The following HS3ST4 variants were observed in gnomAD, a reference collection of about 807,000 sequenced individuals.
HS3ST4 encodes the protein heparan sulfate glucosamine 3-O-sulfotransferase 4.
Under a neutral mutation model 29.2 loss-of-function variants are expected in HS3ST4, and 17 were observed. That is an observed-to-expected ratio of 0.58 (90% CI 0.40 to 0.87). The LOEUF (loss-of-function observed/expected upper bound fraction) is 0.87, where lower values mean the gene tolerates loss of function less well. Ranked by LOEUF, HS3ST4 falls within the 40% of genes least tolerant of loss-of-function variation. The probability of loss-of-function intolerance (pLI) is 0.00; values close to 1 mark genes in which losing one functional copy is unlikely to be tolerated. For synonymous variants in HS3ST4, 314 were observed against 285.7 expected (o/e 1.10, Z -1.00); for missense variants, 627 against 634.5 (o/e 0.99, Z 0.13).
intron 1 of HS3ST4, among the ~76,000 whole-genome samples, chr16:25,912,636 C>A (rs561541210): frequency 6.6e-6 from 1 of 152,330 alleles, no homozygotes; most frequent in South Asian, 2.1e-4. Context: ...CTGCCAATTT[C>A]TGTGCTTCCT....
rs996874734 is a variant in HS3ST4, at chr16:25,760,101, G to GCCCTAACCCTAA, written c.734+66970_734+66981dup. Among the ~76,000 whole-genome samples, 362 of 152,070 alleles carry GCCCTAACCCTAA rather than the reference G, an allele frequency of 2.4e-3. 2 individuals are homozygous for GCCCTAACCCTAA. The highest frequency in any genetic ancestry group is 8.4e-3 in the African/African-American group (347 of 41,470). ...TTGTGCGTCTATGAGGGCTGCCATA[G>GCCCTAACCCTAA]CCCTAACCCTAACCCTAACCCTAAC... is the stretch of plus-strand genomic sequence containing the variant. On this transcript the variant is annotated intron_variant, in intron 1 of 1. Coordinates refer to ENST00000331351, the MANE Select transcript of HS3ST4 (RefSeq NM_006040.3).
At chr16:25,979,723 A>G (rs887122033) in intron 1 of HS3ST4, among the ~76,000 whole-genome samples, 1 of 152,162 alleles carries the variant, frequency 6.6e-6, no homozygotes, top group African/African-American at 2.4e-5. Context: ...TCCCGAAACC[A>G]TTCCTCAACA....
In HS3ST4 at chr16:26,012,606, A is replaced by G. The variant is rs549718288; in HGVS notation, c.735-123006A>G. On this transcript the variant is annotated intron_variant, in intron 1 of 1. Coordinates refer to ENST00000331351, the MANE Select transcript of HS3ST4 (RefSeq NM_006040.3). ...TCTTGGGAAGATGAGCTGAAGACAC[A>G]TGAGACAGTTAAATGGTGTTTCAAG... Among the ~76,000 whole-genome samples, 84 of 152,320 alleles carry G rather than the reference A, an allele frequency of 5.5e-4. 1 individual carries two copies. The highest frequency in any genetic ancestry group is 2.0e-3 in the African/African-American group (84 of 41,582).
chr16:25,747,409 TCCAGCC>T, intron 1 of HS3ST4, among the ~76,000 whole-genome samples: 1 of 152,330 alleles, frequency 6.6e-6, no homozygotes, highest in East Asian at 1.9e-4. Context: ...AACCAAATGG[TCCAGCC>T]CTTTGGTTTG....
chr16:26,012,487 C>A (rs1969319771), intron 1 of HS3ST4, among the ~76,000 whole-genome samples: 1 of 152,170 alleles, frequency 6.6e-6, no homozygotes, highest in Non-Finnish European at 1.5e-5. Flanking sequence ...GCTTTTGTTT[C>A]TCAGAAGCCA....
intron 1 of HS3ST4, among the ~76,000 whole-genome samples, chr16:25,758,060 GA>G (rs1966768027): frequency 6.6e-6 from 1 of 152,098 alleles, no homozygotes; most frequent in Non-Finnish European, 1.5e-5. Flanking sequence ...GTCTGTCATA[GA>G]AAGATTCCTC....
chr16:25,756,173 CACA>C lies in HS3ST4; in HGVS notation c.734+63023_734+63025del, dbSNP rs1383106010. ...ACACACGCACACACACACACACACA[CACA>C]CCCTGCCTTATTCCTTTCTGTTACA... On this transcript the variant is annotated intron_variant, in intron 1 of 1. Transcript: ENST00000331351. Among the ~76,000 whole-genome samples, 12 of 150,734 alleles carry C rather than the reference CACA, an allele frequency of 8.0e-5. No individual in the cohort carries two copies. In the East Asian group the frequency reaches 2.0e-3, roughly 25 times the overall value.
In HS3ST4 at chr16:26,025,975, C is replaced by T. The variant is rs189504245; in HGVS notation, c.735-109637C>T. The stretch of plus-strand genomic sequence containing the variant: ...ATTTTTAGTAGAGACAGCGTTTTAC[C>T]ATGTTGGCCAGGCTGGTCTCGATCT... On this transcript the variant is annotated intron_variant, in intron 1 of 1. Coordinates refer to ENST00000331351, the MANE Select transcript of HS3ST4 (RefSeq NM_006040.3). 2.6e-5 allele frequency among the ~76,000 whole-genome samples: 4 copies of T among 152,132 alleles called. No homozygotes were observed. In the East Asian group the frequency reaches 7.7e-4, roughly 29 times the overall value.
intron 1 of HS3ST4, among the ~76,000 whole-genome samples, chr16:26,082,830 T>C (rs754661394): frequency 7.9e-5 from 12 of 152,218 alleles, no homozygotes; most frequent in Non-Finnish European, 1.2e-4. Context: ...TCCCCTTGCA[T>C]CTTACCAAGT....
At chr16:26,014,262 A>G (rs1969341901) in intron 1 of HS3ST4, among the ~76,000 whole-genome samples, 1 of 152,184 alleles carries the variant, frequency 6.6e-6, no homozygotes, top group African/African-American at 2.4e-5. Flanking sequence ...AGTGCCTGAC[A>G]CATTGTGGAC....
chr16:25,703,073 C>T (rs542642133), intron 1 of HS3ST4, among the ~76,000 whole-genome samples: 17 of 152,176 alleles, frequency 1.1e-4, no homozygotes, highest in African/African-American at 3.4e-4. Flanking sequence ...GCAGGAGAAT[C>T]GCCTGAACCC....
intron 1 of HS3ST4, among the ~76,000 whole-genome samples, chr16:25,804,593 C>G (rs1966972145): frequency 6.6e-6 from 1 of 152,078 alleles, no homozygotes; most frequent in Admixed American, 6.6e-5. Flanking sequence ...TATGATCCTC[C>G]TCTGCTTGTT....
chr16:25,931,281 T>A (rs1189615160), intron 1 of HS3ST4, among the ~76,000 whole-genome samples: 1 of 152,096 alleles, frequency 6.6e-6, no homozygotes, highest in African/African-American at 2.4e-5. Context: ...CCCTGCTGCA[T>A]TTCTTTTCTA....
intron 1 of HS3ST4, among the ~76,000 whole-genome samples, chr16:25,760,127 C>CCTAACT (rs1966780508): frequency 6.6e-6 from 1 of 151,980 alleles, no homozygotes; most frequent in Admixed American, 6.6e-5. Context: ...TAACCCTAAC[C>CCTAACT]CTAACTCTAA....
chr16:26,065,454 A>G (rs991467726), intron 1 of HS3ST4, among the ~76,000 whole-genome samples: 1 of 152,214 alleles, frequency 6.6e-6, no homozygotes, highest in African/African-American at 2.4e-5. Flanking sequence ...GGGGAATGAC[A>G]CACACTGGGG....
At chr16:25,766,474 A>G (rs879600859) in intron 1 of HS3ST4, among the ~76,000 whole-genome samples, 1 of 152,204 alleles carries the variant, frequency 6.6e-6, no homozygotes, top group Non-Finnish European at 1.5e-5. Flanking sequence ...AAGCGAATAT[A>G]GATGGTGTTA....
At chr16:25,758,207 C>G (rs1283294573) in intron 1 of HS3ST4, among the ~76,000 whole-genome samples, 1 of 152,166 alleles carries the variant, frequency 6.6e-6, no homozygotes. Context: ...CTTTCTTACC[C>G]ACTTAAACAA....
chr16:26,007,784 T>G (rs562364399), intron 1 of HS3ST4, among the ~76,000 whole-genome samples: 60 of 151,060 alleles, frequency 4.0e-4, no homozygotes, highest in Admixed American at 1.3e-3. Context: ...TTCTACTAAA[T>G]GGGGGGTTAT....
intron 1 of HS3ST4, among the ~76,000 whole-genome samples, chr16:25,900,396 T>C (rs1330559098): frequency 6.6e-6 from 1 of 152,204 alleles, no homozygotes; most frequent in Non-Finnish European, 1.5e-5. Flanking sequence ...AGAATTTATA[T>C]TATAATGAAA....
Sources: gnomAD v4.1 joint callset for allele counts (sites outside exome capture counted in the v4.1 genomes callset) on GRCh38, gnomAD v4.1.1 for gene constraint, MANE v1.5 for transcripts, NCBI Gene and HGNC (gene_info 2026-07-23, HGNC 2026-07-21) for gene names.